The following ARHGAP5 variants were observed in gnomAD, a reference collection of about 807,000 sequenced individuals.
ARHGAP5 encodes the protein Rho GTPase activating protein 5.
A neutral mutation model predicts 116.6 loss-of-function variants in ARHGAP5; 23 were observed. That is an observed-to-expected ratio of 0.20 (90% CI 0.14 to 0.28). ARHGAP5 has a LOEUF of 0.28. ARHGAP5 is among the 10% of genes least tolerant of loss of function. ARHGAP5 has a pLI of 1.00. For missense variants in ARHGAP5, 1,405 were observed against 1,774.8 expected, an observed-to-expected ratio of 0.79 and a Z score of 3.74; for synonymous variants, 574 against 602.0, an observed-to-expected ratio of 0.95 and a Z score of 0.68.
chr14:32,103,699 GT>G (rs141101133), intron 2 of ARHGAP5, among the ~76,000 whole-genome samples: 10 of 152,036 alleles, frequency 6.6e-5, no homozygotes, highest in Non-Finnish European at 1.2e-4. Flanking sequence ...CCTAGGAGAG[GT>G]TTTTTACAGT....
intron 3 of ARHGAP5, among the ~76,000 whole-genome samples, chr14:32,135,604 G>A (rs1191692039): frequency 1.3e-5 from 2 of 152,168 alleles, no homozygotes; most frequent in Admixed American, 6.5e-5. Context: ...TGTATTTTTA[G>A]TAGAGACAGG....
At chr14:32,126,082 C>T (rs1880139786) in intron 3 of ARHGAP5, among the ~76,000 whole-genome samples, 1 of 152,064 alleles carries the variant, frequency 6.6e-6, no homozygotes, top group Admixed American at 6.6e-5. Flanking sequence ...CTTTCTATTT[C>T]TTTGTCTTGC....
intron 3 of ARHGAP5, 73 bp from the exon 4 acceptor site, chr14:32,146,190 C>G: frequency 1.7e-6 from 2 of 1,146,198 alleles, no homozygotes; most frequent in Non-Finnish European, 2.6e-6. Flanking sequence ...GGATTACAAA[C>G]ATGAGCCACT....
Position 32,092,838 on chromosome 14 carries a change from C to G in ARHGAP5, c.2169C>G (p.Asn723Lys), listed in dbSNP as rs1256313126. Residue 723 changes from asparagine to lysine, a missense_variant, in exon 2 of 7, where the codon AAC becomes AAG. Asn to Lys is a moderately conservative substitution (Grantham distance 94). Coordinates refer to ENST00000345122, the MANE Select transcript of ARHGAP5 (RefSeq NM_001030055.2). This position sits in a 1 kb window ranked among gnomAD's most constrained non-coding sequence, Gnocchi z 4.1. Reference protein sequence around the residue: ...ILRHQGQQLANKLQCPFVDVP... With the variant: ...ILRHQGQQLAKKLQCPFVDVP... ...GGCACCAAGGGCAGCAGTTGGCAAA[C>G]AAGTTGCAATGTCCTTTTGTAGATG... 1 of 1,613,948 alleles carries G rather than the reference C, an allele frequency of 6.2e-7. No individual in the cohort carries two copies. The highest frequency in any genetic ancestry group is 8.5e-7 in the Non-Finnish European group (1 of 1,179,952).
At chr14:32,109,952 T>G (rs1879204468) in intron 2 of ARHGAP5, among the ~76,000 whole-genome samples, 1 of 152,148 alleles carries the variant, frequency 6.6e-6, no homozygotes, top group Admixed American at 6.6e-5. Context: ...TAAGATTCTT[T>G]GTAGCTTACC....
Position 32,154,787 on chromosome 14 carries a change from T to C in ARHGAP5, c.4348T>C (p.Tyr1450His). 5.6e-6 allele frequency: 9 copies of C among 1,614,204 alleles called. No individual in the cohort carries two copies. Among genetic ancestry groups the C allele is most frequent in the Non-Finnish European group, 7.6e-6 (9 of 1,180,032 alleles). The change falls in exon 7 of 7, where the codon TAC becomes CAC. Residue 1450 changes from tyrosine (Y) to histidine (H), a missense_variant. By Grantham distance (83) the Tyr-to-His change is moderately conservative. Around this residue, in one of 6 missense-constraint regions of ARHGAP5, gnomAD observed 85 missense variants for 96.6 expected, o/e 0.88. Transcript: ENST00000345122. ...TFIQQCQFFF[Y>H]NGEIVETTNI... is the part of the protein sequence containing the mutation. ...CATTCAGCAGTGTCAGTTTTTCTTT[T>C]ACAATGGAGAAATTGTAGAAACGAC...
rs188250515 is a variant in ARHGAP5, at chr14:32,153,313, G to A, written c.4181+785G>A. Among the ~76,000 whole-genome samples the A allele has an allele frequency of 4.2e-4, 62 of 145,946 alleles. No homozygotes were observed. The East Asian group carries it at 9.8e-3, about 23-fold the overall frequency. On this transcript the variant is annotated intron_variant, in intron 6 of 6. Transcript: ENST00000345122. ...CCTAGCTACTCAGGAGGCTTGGGGCGGGAGAATTGCTTGAGCCCGGGAGGC... is the reference window on the plus strand; with the variant it reads ...CCTAGCTACTCAGGAGGCTTGGGGCAGGAGAATTGCTTGAGCCCGGGAGGC...
intron 3 of ARHGAP5, among the ~76,000 whole-genome samples, chr14:32,130,297 T>A (rs1207597342): frequency 1.4e-5 from 2 of 141,442 alleles, no homozygotes; most frequent in African/African-American, 2.6e-5. Flanking sequence ...CTGCAACCTC[T>A]ACCGCCCAGG....
At chr14:32,133,300 A>C (rs1055352849) in intron 3 of ARHGAP5, among the ~76,000 whole-genome samples, 2 of 152,138 alleles carry the variant, frequency 1.3e-5, no homozygotes, top group Non-Finnish European at 2.9e-5. Flanking sequence ...GAGGTCCTTC[A>C]CATCCCTTGT....
intron 3 of ARHGAP5, among the ~76,000 whole-genome samples, chr14:32,145,660 T>C (rs1881341842): frequency 6.6e-6 from 1 of 152,132 alleles, no homozygotes; most frequent in African/African-American, 2.4e-5. Context: ...CCTTCTTCTC[T>C]CCACCATTCA....
Position 32,091,119 on chromosome 14 carries a change from T to C in ARHGAP5, c.450T>C (p.Pro150=), listed in dbSNP as rs1389567945. The change falls in exon 2 of 7, where the codon CCT becomes CCC. Residue 150 remains proline (P), a synonymous_variant. Transcript: ENST00000345122. ...AAGACTTTGAACAGAAGCAAATGCC[T>C]GAAGGGAAGCTCAACGTAGATGGAT... ...LEQDFEQKQM[P]EGKLNVDGFL... is the part of the protein sequence containing the mutation. 9.9e-6 allele frequency: 16 copies of C among 1,613,590 alleles called. No homozygotes were observed. The highest frequency in any genetic ancestry group is 1.4e-5 in the Non-Finnish European group (16 of 1,179,664).
At chr14:32,132,036 A>T (rs149620391) in intron 3 of ARHGAP5, among the ~76,000 whole-genome samples, 2,207 of 152,292 alleles carry the variant, frequency 0.014, 58 homozygotes, top group African/African-American at 0.049. Context: ...ATAGTGCCGC[A>T]ATAAACATAC....
At chr14:32,115,854 G>C (rs1879543786) in intron 2 of ARHGAP5, among the ~76,000 whole-genome samples, 1 of 151,392 alleles carries the variant, frequency 6.6e-6, no homozygotes, top group African/African-American at 2.4e-5. Context: ...GGTGCATGTG[G>C]TGTGGTGGCA....
At chr14:32,081,498 G>C (rs924393677) in intron 1 of ARHGAP5, among the ~76,000 whole-genome samples, 1 of 144,248 alleles carries the variant, frequency 6.9e-6, no homozygotes. Context: ...GCAGTGAGCC[G>C]AGATCGCGCC....
Position 32,086,820 on chromosome 14 carries a change from A to G in ARHGAP5, c.-168-3682A>G, listed in dbSNP as rs577610152. ...ACACAATTTTAATTTCTATAAGGAT[A>G]TAGATAATTTCTATAAGATTATCCT... On this transcript the variant is annotated intron_variant, in intron 1 of 6. Coordinates refer to ENST00000345122, the MANE Select transcript of ARHGAP5 (RefSeq NM_001030055.2). Among the ~76,000 whole-genome samples the G allele has an allele frequency of 1.1e-4, 17 of 151,454 alleles. No individual in the cohort carries two copies. In the East Asian group the frequency reaches 3.3e-3, roughly 29 times the overall value.
intron 3 of ARHGAP5, among the ~76,000 whole-genome samples, chr14:32,133,259 C>T (rs1465520810): frequency 6.6e-6 from 1 of 152,192 alleles, no homozygotes; most frequent in Admixed American, 6.5e-5. Flanking sequence ...TCTTTTATTT[C>T]CTTGAGCAGT....
intron 2 of ARHGAP5, among the ~76,000 whole-genome samples, chr14:32,095,698 A>G: frequency 6.6e-6 from 1 of 152,114 alleles, no homozygotes; most frequent in East Asian, 1.9e-4. Context: ...TACAGGCGTG[A>G]GCCACCGCGC....
chr14:32,082,972 C>G (rs138584694), intron 1 of ARHGAP5, among the ~76,000 whole-genome samples: 212 of 152,358 alleles, frequency 1.4e-3, no homozygotes, highest in African/African-American at 4.8e-3. Flanking sequence ...TTGCTTATGA[C>G]AAAGTCTAAC....
chr14:32,143,824 G>T (rs919922942), intron 3 of ARHGAP5, among the ~76,000 whole-genome samples: 1 of 152,110 alleles, frequency 6.6e-6, no homozygotes, highest in Non-Finnish European at 1.5e-5. Flanking sequence ...CTGTGGAAGG[G>T]GTTTCCCAAC....
Sources: gnomAD v4.1 joint callset for allele counts (sites outside exome capture counted in the v4.1 genomes callset) on GRCh38, gnomAD v4.1.1 for gene constraint, gnomAD v4.1.1 regional missense constraint, Gnocchi (gnomAD v3.1) non-coding constraint, MANE v1.5 for transcripts, NCBI Gene and HGNC (gene_info 2026-07-23, HGNC 2026-07-21) for gene names.